Variants in LURAP1L observed in about 807,000 individuals in gnomAD.
The protein encoded by LURAP1L is leucine rich adaptor protein 1 like, also known as leucine rich adaptor protein 1-like.
A neutral mutation model predicts 13.8 loss-of-function variants in LURAP1L; 12 were observed. That is an observed-to-expected ratio of 0.87 (90% CI 0.56 to 1.41). The LOEUF (loss-of-function observed/expected upper bound fraction) is 1.41. Ranked by LOEUF, LURAP1L falls within the 40% of genes most tolerant of loss-of-function variation. LURAP1L has a pLI of 0.00. For synonymous variants in LURAP1L, 139 were observed against 119.2 expected (o/e 1.17, Z -1.08); for missense variants, 375 against 292.9 (o/e 1.28, Z -2.04).
intron 1 of LURAP1L, among the ~76,000 whole-genome samples, chr9:12,782,491 G>T (rs1297741516): frequency 6.6e-6 from 1 of 152,174 alleles, no homozygotes; most frequent in Non-Finnish European, 1.5e-5. Flanking sequence ...TTATTGAAGA[G>T]ACTATCTTTT....
rs747476601 is a variant in LURAP1L, at chr9:12,820,499, T to TCCCCCCCCC, written c.313-880_313-872dup. Reference sequence around the variant, plus strand: ...GCCTGGACGACAGATCGAGACTCCGTCCCCCCCCCCCCCCCAAAAAAAAAA... The same window carrying TCCCCCCCCC: ...GCCTGGACGACAGATCGAGACTCCGTCCCCCCCCCCCCCCCCCCCCCCCCAAAAAAAAAA... On this transcript the variant is annotated intron_variant, in intron 1 of 1. Coordinates refer to ENST00000319264, the MANE Select transcript of LURAP1L (RefSeq NM_203403.2). Among the ~76,000 whole-genome samples the TCCCCCCCCC allele has an allele frequency of 2.7e-4, 4 of 14,696 alleles. 1 individual carries two copies. Among genetic ancestry groups the TCCCCCCCCC allele is most frequent in the Non-Finnish European group, 3.7e-4 (2 of 5,452 alleles). 9.6% of individuals were successfully genotyped at this position (14,696 alleles called of 152,430 possible).
intron 1 of LURAP1L, among the ~76,000 whole-genome samples, chr9:12,806,465 C>G (rs771309398): frequency 5.3e-5 from 8 of 151,636 alleles, no homozygotes; most frequent in Non-Finnish European, 1.0e-4. Flanking sequence ...CTTCATAATG[C>G]TGGGTCAATT....
intron 1 of LURAP1L, among the ~76,000 whole-genome samples, chr9:12,803,246 C>T (rs1348132078): frequency 1.3e-5 from 2 of 152,118 alleles, no homozygotes; most frequent in South Asian, 2.1e-4. Context: ...GAAAAATTTC[C>T]TATCACTTCT....
At chr9:12,817,796 T>C (rs1414247356) in intron 1 of LURAP1L, among the ~76,000 whole-genome samples, 1 of 152,222 alleles carries the variant, frequency 6.6e-6, no homozygotes. Flanking sequence ...AGAAGAGTCA[T>C]TGTGATTTAG....
chr9:12,785,849 G>C (rs1041961700), intron 1 of LURAP1L, among the ~76,000 whole-genome samples: 10 of 152,180 alleles, frequency 6.6e-5, no homozygotes, highest in African/African-American at 2.2e-4. Flanking sequence ...CCTGATACTT[G>C]GTTCTTATGA....
At chr9:12,789,083 AC>A (rs200716131) in intron 1 of LURAP1L, among the ~76,000 whole-genome samples, 2 of 129,748 alleles carry the variant, frequency 1.5e-5, no homozygotes, top group Non-Finnish European at 3.1e-5. Flanking sequence ...CTCCCCCAGC[AC>A]CCCCCCAAAA....
chr9:12,818,128 A>G (rs1586888614), intron 1 of LURAP1L, among the ~76,000 whole-genome samples: 7 of 123,230 alleles, frequency 5.7e-5, no homozygotes, highest in African/African-American at 2.6e-4. Flanking sequence ...TTTTGCTTCC[A>G]CTAAAAAAAA....
At chr9:12,803,394 T>C (rs1586883257) in intron 1 of LURAP1L, among the ~76,000 whole-genome samples, 1 of 152,218 alleles carries the variant, frequency 6.6e-6, no homozygotes, top group African/African-American at 2.4e-5. Flanking sequence ...GTTAAGTTAC[T>C]GGTGGAACCA....
At chr9:12,786,976 G>C (rs1819364837) in intron 1 of LURAP1L, among the ~76,000 whole-genome samples, 1 of 152,044 alleles carries the variant, frequency 6.6e-6, no homozygotes, top group African/African-American at 2.4e-5. Flanking sequence ...GCAGAATAAA[G>C]TTGTTATGTT....
At chr9:12,776,140 G>A in intron 1 of LURAP1L, 113 bp downstream of exon 1, 1 of 1,104,858 alleles carries the variant, frequency 9.1e-7, no homozygotes, top group Non-Finnish European at 1.3e-6. Context: ...GCGGAGCGCT[G>A]GGCGCGTGGG....
intron 1 of LURAP1L, among the ~76,000 whole-genome samples, chr9:12,792,208 G>C (rs7861387): frequency 0.46 from 69,632 of 151,902 alleles, 16,543 homozygotes; most frequent in East Asian, 0.57. Flanking sequence ...AATATATTTT[G>C]AATGTTAGAT....
In LURAP1L at chr9:12,822,602, T is replaced by C. The variant is rs979230659; in HGVS notation, c.*842T>C. The stretch of plus-strand genomic sequence containing the variant: ...AAATACTTAGATGCATACAAGCCGA[T>C]GGATAGAAAGACAGATAAATATCCC... On this transcript the variant is annotated 3_prime_UTR_variant, in exon 2 of 2. Coordinates refer to ENST00000319264, the MANE Select transcript of LURAP1L (RefSeq NM_203403.2). 6.6e-6 allele frequency among the ~76,000 whole-genome samples: 1 copy of C among 152,204 alleles called. No homozygotes were observed. The highest frequency in any genetic ancestry group is 6.5e-5 in the Admixed American group (1 of 15,276).
At chr9:12,786,574 A>ATATATATG (rs1819357752) in intron 1 of LURAP1L, among the ~76,000 whole-genome samples, 1 of 128,790 alleles carries the variant, frequency 7.8e-6, no homozygotes, top group Admixed American at 7.6e-5. Context: ...ATATATATAT[A>ATATATATG]TATATATAAA....
intron 1 of LURAP1L, among the ~76,000 whole-genome samples, chr9:12,786,735 C>A (rs1819361695): frequency 6.6e-6 from 1 of 151,224 alleles, no homozygotes; most frequent in African/African-American, 2.4e-5. Context: ...GATTCCTCAA[C>A]TGAAGACATA....
chr9:12,784,786 T>C (rs1013488051), intron 1 of LURAP1L, among the ~76,000 whole-genome samples: 1 of 151,810 alleles, frequency 6.6e-6, no homozygotes, highest in African/African-American at 2.4e-5. Context: ...AGGTGGTGAG[T>C]TCCCTTCTGG....
chr9:12,792,668 T>C (rs1291162111), intron 1 of LURAP1L, among the ~76,000 whole-genome samples: 1 of 152,110 alleles, frequency 6.6e-6, no homozygotes, highest in Non-Finnish European at 1.5e-5. Flanking sequence ...ATTTACTTTT[T>C]TAAAATTCAT....
At position 12,775,590 on chromosome 9, in the gene LURAP1L, C is replaced by A. The variant is rs774522476; in HGVS notation, c.-126C>A. 1 of 1,420,784 alleles carries A rather than the reference C, an allele frequency of 7.0e-7. No individual in the cohort carries two copies. The highest frequency in any genetic ancestry group is 9.2e-7 in the Non-Finnish European group (1 of 1,081,784). 88.0% of individuals were successfully genotyped at this position (1,420,784 alleles called of 1,614,324 possible). ...AGGCGGTTATGGAAAGGACGGTACA[C>A]CGGAGCGGCGGAGGATAGAGACCCT... On this transcript the variant is annotated 5_prime_UTR_variant, in exon 1 of 2. Transcript: ENST00000319264.
At chr9:12,819,296 T>C (rs879840677) in intron 1 of LURAP1L, among the ~76,000 whole-genome samples, 1 of 152,210 alleles carries the variant, frequency 6.6e-6, no homozygotes, top group Non-Finnish European at 1.5e-5. Context: ...TAAATTGTAC[T>C]TTATGTTTTT....
chr9:12,798,707 C>T (rs931328210), intron 1 of LURAP1L, among the ~76,000 whole-genome samples: 6 of 152,082 alleles, frequency 3.9e-5, no homozygotes, highest in African/African-American at 1.2e-4. Context: ...TTAATCTGGC[C>T]ATAGTCATTA....
Sources: allele counts gnomAD v4.1 joint callset (sites outside exome capture counted in the v4.1 genomes callset), GRCh38; gene constraint gnomAD v4.1.1; transcripts MANE v1.5; gene names NCBI Gene and HGNC (gene_info 2026-07-23, HGNC 2026-07-21).